VAV2: variants seen among roughly 807,000 people sequenced by gnomAD.
VAV2 encodes guanine nucleotide exchange factor VAV2.
Under a neutral mutation model 132.5 loss-of-function variants are expected in VAV2, and 67 were observed. The observed-to-expected ratio is 0.51, with a 90% CI of 0.42 to 0.62. The LOEUF (loss-of-function observed/expected upper bound fraction) is 0.62. Among genes scored for constraint, VAV2 ranks in the 20% least tolerant of loss-of-function variants. The pLI is 0.00. For missense variants in VAV2, 938 were observed against 1,153.6 expected (o/e 0.81, Z 2.71); for synonymous variants, 492 against 443.5 (o/e 1.11, Z -1.37).
intron 12 of VAV2, 108 bp from the exon 13 acceptor site, chr9:133,791,977 G>A: frequency 8.8e-6 from 2 of 227,546 alleles, no homozygotes; most frequent in Non-Finnish European, 1.4e-5. Flanking sequence ...TGAGCGGGCT[G>A]TGCTGGGTGG....
rs560455532 is a variant in VAV2, at chr9:133,764,051, C to T, written c.*11G>A. ...CAAGAAAATCTGCGAGTCTTGTCCA[C>T]GTTCCTGCCGTCACTGGATGCCCTC... On this transcript the variant is annotated 3_prime_UTR_variant, in exon 30 of 30. Coordinates refer to ENST00000371850, the MANE Select transcript of VAV2 (RefSeq NM_001134398.2). 41 of 1,614,014 alleles carry T rather than the reference C, an allele frequency of 2.5e-5. No individual in the cohort carries two copies. In the East Asian group the frequency reaches 6.2e-4, roughly 25 times the overall value.
At chr9:133,808,999 G>A (rs768045906) in intron 7 of VAV2, 41 bp downstream of exon 7, 1 of 1,585,604 alleles carries the variant, frequency 6.3e-7, no homozygotes, top group Non-Finnish European at 8.6e-7. Context: ...AGTGACCACA[G>A]TGGCCGCTGC....
chr9:133,941,302 G>A (rs890603165), intron 1 of VAV2, among the ~76,000 whole-genome samples: 11 of 151,978 alleles, frequency 7.2e-5, no homozygotes, highest in African/African-American at 2.4e-4. Context: ...CAGCTACTCG[G>A]GAGGCTGCGG....
At chr9:133,830,374 T>A (rs1836217221) in intron 4 of VAV2, among the ~76,000 whole-genome samples, 1 of 152,146 alleles carries the variant, frequency 6.6e-6, no homozygotes. Context: ...CCATGTGCTG[T>A]GGGAGGGACC....
intron 3 of VAV2, among the ~76,000 whole-genome samples, chr9:133,837,695 T>C (rs1836525410): frequency 6.8e-6 from 1 of 147,584 alleles, no homozygotes; most frequent in South Asian, 2.1e-4. Flanking sequence ...TGAGACTCCA[T>C]CTCAAAAAAA....
intron 3 of VAV2, among the ~76,000 whole-genome samples, chr9:133,841,039 G>A (rs1034955666): frequency 6.6e-6 from 1 of 152,124 alleles, no homozygotes; most frequent in Admixed American, 6.5e-5. Flanking sequence ...GCCAGATTTG[G>A]TTTTTAAGAC....
intron 1 of VAV2, among the ~76,000 whole-genome samples, chr9:133,987,126 G>T (rs1448995892): frequency 6.6e-6 from 1 of 152,134 alleles, no homozygotes; most frequent in East Asian, 1.9e-4. Flanking sequence ...GCCTTGGAGG[G>T]GCTCAGACCT....
intron 3 of VAV2, among the ~76,000 whole-genome samples, chr9:133,839,451 G>GTTT (rs765088441): frequency 4.3e-5 from 6 of 140,474 alleles, no homozygotes; most frequent in African/African-American, 5.3e-5. Flanking sequence ...ATACGAGGAA[G>GTTT]TTTTTTTTTT....
In VAV2 at chr9:133,826,707, T is replaced by C. The variant is rs1836001117; in HGVS notation, c.449+7565A>G. Among the ~76,000 whole-genome samples the C allele has an allele frequency of 6.6e-6, 1 of 152,158 alleles. No homozygotes were observed. The highest frequency in any genetic ancestry group is 1.5e-5 in the Non-Finnish European group (1 of 68,024). On this transcript the variant is annotated intron_variant, in intron 4 of 29. Transcript: ENST00000371850. The surrounding 1 kb of genome is among the most constrained non-coding windows in gnomAD (Gnocchi z 4.2). ...TTGGTCTCATGTCCATGTCCTTCCT[T>C]TGGCCTCTCTTCTGCCCTGAGTGGG... is the stretch of plus-strand genomic sequence containing the variant.
intron 1 of VAV2, among the ~76,000 whole-genome samples, chr9:133,981,511 G>A (rs542422845): frequency 6.6e-6 from 1 of 152,344 alleles, no homozygotes; most frequent in African/African-American, 2.4e-5. Context: ...GCCCTTCACT[G>A]GGAGTGAGCC....
At chr9:133,948,811 G>C (rs1001121222) in intron 1 of VAV2, among the ~76,000 whole-genome samples, 1 of 152,202 alleles carries the variant, frequency 6.6e-6, no homozygotes, top group Admixed American at 6.5e-5. Flanking sequence ...TCCTGCTAAC[G>C]AGCTGTCACG....
At chr9:133,978,912 C>T (rs980811430) in intron 1 of VAV2, among the ~76,000 whole-genome samples, 5 of 152,270 alleles carry the variant, frequency 3.3e-5, no homozygotes, top group Non-Finnish European at 7.3e-5. Flanking sequence ...AAACCGGGCA[C>T]CTGAGCCTGG....
chr9:133,948,092 G>T (rs190674892), intron 1 of VAV2, among the ~76,000 whole-genome samples: 1 of 152,104 alleles, frequency 6.6e-6, no homozygotes, highest in African/African-American at 2.4e-5. Context: ...TGCTCAGACC[G>T]CACTGAGCCC....
At chr9:133,890,743 G>C (rs1207274263) in intron 2 of VAV2, among the ~76,000 whole-genome samples, 1 of 152,188 alleles carries the variant, frequency 6.6e-6, no homozygotes, top group Admixed American at 6.5e-5. Context: ...CTGCTGCATG[G>C]AACACGGACG....
chr9:133,776,114 C>T (rs1186761141), intron 23 of VAV2, 34 bp from the exon 24 acceptor site: 2 of 1,609,356 alleles, frequency 1.2e-6, no homozygotes, highest in South Asian at 1.1e-5. Flanking sequence ...TAACGGCCCC[C>T]CAGGGCCACT....
At chr9:133,952,408 C>T (rs903966909) in intron 1 of VAV2, among the ~76,000 whole-genome samples, 6 of 152,122 alleles carry the variant, frequency 3.9e-5, no homozygotes, top group African/African-American at 1.4e-4. Context: ...TCGAGAACAG[C>T]CTGGCCAACG....
At position 133,762,267 on chromosome 9, in the gene VAV2, C is replaced by G. The variant is rs1833284312; in HGVS notation, c.*1795G>C. On this transcript the variant is annotated 3_prime_UTR_variant, in exon 30 of 30. Coordinates refer to ENST00000371850, the MANE Select transcript of VAV2 (RefSeq NM_001134398.2). This position sits in a 1 kb window ranked among gnomAD's most constrained non-coding sequence, Gnocchi z 5.0. Reference sequence around the variant, plus strand: ...ATTTTTTCTCAGTGTCCTTCGTGATCATGATGACTTATTTGTCAACAAACT... The same window carrying G: ...ATTTTTTCTCAGTGTCCTTCGTGATGATGATGACTTATTTGTCAACAAACT... The G allele has an allele frequency of 6.6e-6, 1 of 152,624 alleles. No individual in the cohort carries two copies. Among genetic ancestry groups the G allele is most frequent in the Admixed American group, 6.5e-5 (1 of 15,286 alleles). 9.5% of individuals were successfully genotyped at this position (152,624 alleles called of 1,614,324 possible).
intron 2 of VAV2, among the ~76,000 whole-genome samples, chr9:133,907,086 CCA>C (rs1212425852): frequency 6.6e-6 from 1 of 152,228 alleles, no homozygotes; most frequent in Non-Finnish European, 1.5e-5. Context: ...CCTCTGGTGT[CCA>C]CACTCTCTTG....
intron 9 of VAV2, among the ~76,000 whole-genome samples, chr9:133,803,132 AGTGG>A (rs1291467446): frequency 1.3e-5 from 2 of 151,946 alleles, no homozygotes; most frequent in Non-Finnish European, 2.9e-5. Flanking sequence ...CAGGATTCCG[AGTGG>A]AAGTCTCGGT....
Sources: allele counts gnomAD v4.1 joint callset (sites outside exome capture counted in the v4.1 genomes callset), GRCh38; gene constraint gnomAD v4.1.1; non-coding constraint Gnocchi (gnomAD v3.1); transcripts MANE v1.5; gene names NCBI Gene and HGNC (gene_info 2026-07-23, HGNC 2026-07-21).